STPG4: variants seen among roughly 807,000 people sequenced by gnomAD.
The protein encoded by STPG4 is protein STPG4.
Under a neutral mutation model 31.5 loss-of-function variants are expected in STPG4, and 41 were observed. The observed-to-expected ratio is 1.30, with a 90% CI of 1.01 to 1.69. The LOEUF (loss-of-function observed/expected upper bound fraction) is 1.69. Among genes scored for constraint, STPG4 ranks in the 40% most tolerant of loss-of-function variants. The pLI is 0.00. For missense variants in STPG4, 375 were observed against 293.4 expected (o/e 1.28, Z -2.03); for synonymous variants, 141 against 103.0 (o/e 1.37, Z -2.24).
In STPG4 at chr2:47,123,993, A is replaced by T. The variant is rs146368079; in HGVS notation, c.519+5948T>A. Reference sequence around the variant, plus strand: ...TTTTATTTTATTTATTTATTTATTTATTTTTTTGAGATGGAGTCTCACTCT... The same window carrying T: ...TTTTATTTTATTTATTTATTTATTTTTTTTTTTGAGATGGAGTCTCACTCT... On this transcript the variant is annotated intron_variant, in intron 5 of 6. Transcript: ENST00000445927. Among the ~76,000 whole-genome samples, 452 of 151,660 alleles carry T rather than the reference A, an allele frequency of 3.0e-3. 5 individuals carry two copies. Among genetic ancestry groups the T allele is most frequent in the South Asian group, 0.019 (89 of 4,808 alleles).
chr2:47,120,824 T>G lies in STPG4; in HGVS notation c.519+9117A>C, dbSNP rs1027192748. On this transcript the variant is annotated intron_variant, in intron 5 of 6. Transcript: ENST00000445927. ...AAAATTTTTGAAGGAATTTAAAATA[T>G]AAAAAACATTTATGTTTGGTGGGGC... 2.6e-5 allele frequency among the ~76,000 whole-genome samples: 4 copies of G among 152,284 alleles called. No individual in the cohort carries two copies. In the South Asian group the frequency reaches 8.3e-4, roughly 32 times the overall value.
intron 2 of STPG4, among the ~76,000 whole-genome samples, chr2:47,151,826 C>T (rs939601247): frequency 6.6e-6 from 1 of 151,770 alleles, no homozygotes; most frequent in Admixed American, 6.6e-5. Flanking sequence ...CTGCAAGCTC[C>T]GCCTCCCAGG....
chr2:47,138,470 C>A (rs553012377), intron 3 of STPG4, among the ~76,000 whole-genome samples: 6 of 151,546 alleles, frequency 4.0e-5, no homozygotes, highest in African/African-American at 1.5e-4. Flanking sequence ...CGGCTCACTG[C>A]AACCTCCACC....
At chr2:47,143,404 A>T (rs1286477831) in intron 3 of STPG4, among the ~76,000 whole-genome samples, 1 of 151,724 alleles carries the variant, frequency 6.6e-6, no homozygotes, top group Admixed American at 6.6e-5. Flanking sequence ...CTCTGTAATT[A>T]TTTATTAGTT....
At chr2:47,141,929 C>A (rs1425693034) in intron 3 of STPG4, among the ~76,000 whole-genome samples, 1 of 146,136 alleles carries the variant, frequency 6.8e-6, no homozygotes, top group Non-Finnish European at 1.5e-5. Flanking sequence ...ACTGAAGGAT[C>A]TAGGATGCCC....
chr2:47,146,029 G>A (rs1451089903), intron 3 of STPG4, among the ~76,000 whole-genome samples: 1 of 152,216 alleles, frequency 6.6e-6, no homozygotes, highest in African/African-American at 2.4e-5. Context: ...AAAGGGTACA[G>A]TGAAAATACC....
At chr2:47,091,851 A>G (rs10181620) in intron 5 of STPG4, among the ~76,000 whole-genome samples, 127,110 of 151,874 alleles carry the variant, frequency 0.84, 53,402 homozygotes, top group Admixed American at 0.89. Flanking sequence ...ATTTAGCCAC[A>G]AAGACTGTAA....
chr2:47,093,130 G>A (rs1685604580), intron 5 of STPG4, among the ~76,000 whole-genome samples: 1 of 152,190 alleles, frequency 6.6e-6, no homozygotes, highest in Non-Finnish European at 1.5e-5. Flanking sequence ...CATTCTCTCT[G>A]GCAGGTGGCA....
chr2:47,113,637 G>A (rs1304331554), intron 5 of STPG4, among the ~76,000 whole-genome samples: 3 of 152,126 alleles, frequency 2.0e-5, no homozygotes, highest in Non-Finnish European at 4.4e-5. Context: ...ATACAAATTT[G>A]GTGAAATGAG....
Position 47,111,704 on chromosome 2 carries a change from A to G in STPG4, c.519+18237T>C, listed in dbSNP as rs1686039002. ...AAATGGCCCTTTTTACTTATGGTAG[A>G]ATATGTCCTCTGGCGTCTACCCCAA... On this transcript the variant is annotated intron_variant, in intron 5 of 6. Coordinates refer to ENST00000445927, the MANE Select transcript of STPG4 (RefSeq NM_001163561.2). 2.0e-5 allele frequency among the ~76,000 whole-genome samples: 3 copies of G among 152,298 alleles called. No individual in the cohort carries two copies. The South Asian group carries it at 6.2e-4, about 32-fold the overall frequency.
Position 47,090,278 on chromosome 2 carries a change from TG to T in STPG4, c.615del (p.Ser206AlafsTer14), listed in dbSNP as rs757333101. 1 of 1,550,688 alleles carries T rather than the reference TG, an allele frequency of 6.4e-7. No individual in the cohort carries two copies. Among genetic ancestry groups the T allele is most frequent in the Admixed American group, 2.0e-5 (1 of 51,002 alleles). ...TCTTTCCGAATACTTACTGAACAGC[TG>T]GGCAAGAATCGAGGGACTCTGGATT... is the stretch of plus-strand genomic sequence containing the variant. ...CFQSRVPRFL[P>X]SCSKTPGPGA... On this transcript the variant is annotated frameshift_variant, in exon 6 of 7. Coordinates refer to ENST00000445927, the MANE Select transcript of STPG4 (RefSeq NM_001163561.2). LOFTEE classifies it high-confidence loss of function.
intron 3 of STPG4, among the ~76,000 whole-genome samples, chr2:47,135,941 T>G (rs1203776795): frequency 2.0e-5 from 3 of 152,228 alleles, no homozygotes; most frequent in Non-Finnish European, 2.9e-5. Context: ...TTTGCTATTC[T>G]CCTTCATCAT....
intron 3 of STPG4, among the ~76,000 whole-genome samples, chr2:47,137,051 T>C (rs931047168): frequency 1.9e-4 from 29 of 152,344 alleles, no homozygotes; most frequent in African/African-American, 5.1e-4. Context: ...AGAGAGGACA[T>C]CCTTGCCTTT....
intron 1 of STPG4, among the ~76,000 whole-genome samples, chr2:47,154,424 C>G (rs925942944): frequency 2.0e-5 from 3 of 152,148 alleles, no homozygotes; most frequent in Non-Finnish European, 4.4e-5. Flanking sequence ...GAAGTAAACG[C>G]GATCAATCTA....
At chr2:47,097,909 G>A (rs1311674221) in intron 5 of STPG4, among the ~76,000 whole-genome samples, 1 of 147,646 alleles carries the variant, frequency 6.8e-6, no homozygotes. Flanking sequence ...CTTGAGGCCA[G>A]GAGTTTGAGA....
At chr2:47,146,461 C>T (rs990461421) in intron 3 of STPG4, among the ~76,000 whole-genome samples, 2 of 151,684 alleles carry the variant, frequency 1.3e-5, no homozygotes, top group Admixed American at 1.3e-4. Context: ...CGCAATGGCT[C>T]ACTCCTGTAA....
At chr2:47,122,625 T>TA (rs1268307015) in intron 5 of STPG4, among the ~76,000 whole-genome samples, 1 of 152,108 alleles carries the variant, frequency 6.6e-6, no homozygotes, top group Admixed American at 6.5e-5. Flanking sequence ...CTTGTATTAA[T>TA]AAAAAAATCT....
chr2:47,092,044 T>G (rs1685578897), intron 5 of STPG4, among the ~76,000 whole-genome samples: 1 of 148,890 alleles, frequency 6.7e-6, no homozygotes, highest in South Asian at 2.1e-4. Context: ...TTAAAAAAAC[T>G]TGGAATGAAA....
At chr2:47,128,487 T>A (rs1360788318) in intron 5 of STPG4, among the ~76,000 whole-genome samples, 1 of 152,116 alleles carries the variant, frequency 6.6e-6, no homozygotes, top group Non-Finnish European at 1.5e-5. Context: ...TACTCTATAC[T>A]ACTGCAGCTA....
Sources: allele counts gnomAD v4.1 joint callset (sites outside exome capture counted in the v4.1 genomes callset), GRCh38; gene constraint gnomAD v4.1.1; transcripts MANE v1.5; gene names NCBI Gene and HGNC (gene_info 2026-07-23, HGNC 2026-07-21).